MAVS: variants seen among roughly 807,000 people sequenced by gnomAD.
The protein encoded by MAVS is mitochondrial antiviral signaling protein.
Under a neutral mutation model 30.2 loss-of-function variants are expected in MAVS, and 20 were observed. The observed-to-expected ratio is 0.66, with a 90% CI of 0.47 to 0.96. The LOEUF (loss-of-function observed/expected upper bound fraction) is 0.96, where lower values mean the gene tolerates loss of function less well. MAVS is among the 40% of genes least tolerant of loss of function. MAVS has a pLI of 0.00. For synonymous variants in MAVS, 278 were observed against 293.9 expected (o/e 0.95, Z 0.55); for missense variants, 624 against 701.1 (o/e 0.89, Z 1.24).
chr20:3,871,765 G>A lies in MAVS; in HGVS notation c.*5618G>A, dbSNP rs1029088580. 2 of 152,260 alleles carry A rather than the reference G, an allele frequency of 1.3e-5. No homozygotes were observed. The highest frequency in any genetic ancestry group is 2.4e-5 in the African/African-American group (1 of 41,414). The allele number at this position is 152,260 out of a possible 1,614,324, so 9.4% of individuals were successfully genotyped here. ...TGTTGAAATTGAGGCCTTCCCCTGT[G>A]TTCACCTTTCTGCTCTTTTTCTTTT... is the stretch of plus-strand genomic sequence containing the variant. On this transcript the variant is annotated 3_prime_UTR_variant, in exon 7 of 7. Transcript: ENST00000428216.
intron 1 of MAVS, 45 bp from the exon 2 acceptor site, chr20:3,854,513 C>T: frequency 1.6e-6 from 1 of 630,830 alleles, no homozygotes; most frequent in Non-Finnish European, 2.7e-6. Flanking sequence ...AGCCCCACTC[C>T]CAACCCCCCA....
At position 3,872,770 on chromosome 20, in the gene MAVS, G is replaced by C. The variant is rs1431417490; in HGVS notation, c.*6623G>C. 6.6e-6 allele frequency: 1 copy of C among 152,376 alleles called. No individual in the cohort carries two copies. The highest frequency in any genetic ancestry group is 1.5e-5 in the Non-Finnish European group (1 of 68,044). 9.4% of individuals were successfully genotyped at this position (152,376 alleles called of 1,614,324 possible). On this transcript the variant is annotated 3_prime_UTR_variant, in exon 7 of 7. Transcript: ENST00000428216. ...CCTTCAAGTGGTTGGGGACGTTCAT[G>C]ATTGTGGTACAGACAAATAGGCTTT...
In MAVS at chr20:3,854,579, C is replaced by A; in HGVS notation, c.-46C>A. On this transcript the variant is annotated 5_prime_UTR_variant, in exon 2 of 7. Transcript: ENST00000428216. ...CCAGTCTCGTTTCCTCTCAGTCCAT[C>A]CACCCTTCATGGGGCCAGAGCCCTC... 1 of 1,372,868 alleles carries A rather than the reference C, an allele frequency of 7.3e-7. No individual in the cohort carries two copies. Among genetic ancestry groups the A allele is most frequent in the Admixed American group, 1.7e-5 (1 of 57,256 alleles). The allele number at this position is 1,372,868 out of a possible 1,614,324, so 85.0% of individuals were successfully genotyped here.
At chr20:3,857,397 T>C (rs958908100) in intron 2 of MAVS, among the ~76,000 whole-genome samples, 3 of 152,236 alleles carry the variant, frequency 2.0e-5, no homozygotes, top group African/African-American at 7.2e-5. Flanking sequence ...AAGCCCTTAA[T>C]GGAGAGCCCA....
intron 1 of MAVS, among the ~76,000 whole-genome samples, chr20:3,853,953 A>ATTT (rs56392229): frequency 0.048 from 6,388 of 132,646 alleles, 263 homozygotes; most frequent in African/African-American, 0.1. Context: ...ATGCCCAGCT[A>ATTT]TTTTTTTTTT....
chr20:3,848,176 T>C (rs1302083254), intron 1 of MAVS, among the ~76,000 whole-genome samples: 3 of 151,996 alleles, frequency 2.0e-5, no homozygotes, highest in Non-Finnish European at 2.9e-5. Flanking sequence ...CTTGGCTCAC[T>C]GCAACCTCTG....
intron 1 of MAVS, among the ~76,000 whole-genome samples, chr20:3,847,889 C>T (rs1342695317): frequency 3.3e-5 from 5 of 152,156 alleles, no homozygotes; most frequent in Admixed American, 6.6e-5. Flanking sequence ...TTCCCTGTCA[C>T]GGGATTGGGG....
chr20:3,865,978 C>T lies in MAVS; in HGVS notation c.1454C>T (p.Pro485Leu), dbSNP rs775518309. The change falls in exon 7 of 7, where the codon CCA (proline) becomes CTA (leucine). Residue 485 changes from proline to leucine, a missense_variant. Physicochemically the swap from Pro to Leu is moderately conservative, Grantham distance 98. Coordinates refer to ENST00000428216, the MANE Select transcript of MAVS (RefSeq NM_020746.5). The surrounding 1 kb of genome is among the most constrained non-coding windows in gnomAD (Gnocchi z 4.7). ...SIQLLEGNPG[P>L]PADPDGGPRP... Reference sequence around the variant, plus strand: ...CAGCTCCTGGAGGGCAACCCTGGGCCACCTGCGGACCCGGATGGCGGCCCC... The same window carrying T: ...CAGCTCCTGGAGGGCAACCCTGGGCTACCTGCGGACCCGGATGGCGGCCCC... The T allele has an allele frequency of 6.2e-7, 1 of 1,613,330 alleles. No homozygotes were observed. Among genetic ancestry groups the T allele is most frequent in the Admixed American group, 1.7e-5 (1 of 60,028 alleles).
At chr20:3,856,772 G>A (rs1347957441) in intron 2 of MAVS, among the ~76,000 whole-genome samples, 2 of 151,910 alleles carry the variant, frequency 1.3e-5, no homozygotes, top group Non-Finnish European at 2.9e-5. Flanking sequence ...GGTGGCTCAC[G>A]CCTGTAATCC....
intron 1 of MAVS, among the ~76,000 whole-genome samples, chr20:3,854,109 C>A (rs1248843630): frequency 6.6e-6 from 1 of 150,784 alleles, no homozygotes; most frequent in Non-Finnish European, 1.5e-5. Context: ...GAGACCCCAT[C>A]TCTTAAAAAC....
At chr20:3,857,520 C>T in intron 2 of MAVS, 115 bp from the exon 3 acceptor site, 1 of 1,264,142 alleles carries the variant, frequency 7.9e-7, no homozygotes. Context: ...TTTCACGTGG[C>T]TGCCTTGCCC....
In MAVS at chr20:3,854,894, T is replaced by TTC. The variant is rs200003136; in HGVS notation, c.117+154_117+155insCT. The stretch of plus-strand genomic sequence containing the variant: ...GCTCCTTGTCCTTGCTGCTTTTCTT[T>TTC]TTTTTTTTTTTTTTTGAGATTGAGT... On this transcript the variant is annotated intron_variant, in intron 2 of 6. Coordinates refer to ENST00000428216, the MANE Select transcript of MAVS (RefSeq NM_020746.5). Among the ~76,000 whole-genome samples the TTC allele has an allele frequency of 9.4e-4, 139 of 147,642 alleles. 1 individual carries two copies. The highest frequency in any genetic ancestry group is 8.6e-3 in the East Asian group (43 of 5,026).
At chr20:3,861,895 CCCA>C (rs1436800332) in intron 4 of MAVS, among the ~76,000 whole-genome samples, 1 of 152,070 alleles carries the variant, frequency 6.6e-6, no homozygotes, top group Admixed American at 6.6e-5. Flanking sequence ...ATTACAGGCA[CCCA>C]CCACCACGCC....
In MAVS at chr20:3,864,633, G is replaced by A. The variant is rs372572360; in HGVS notation, c.1003G>A (p.Ala335Thr). The A allele has an allele frequency of 2.5e-6, 4 of 1,614,198 alleles. No homozygotes were observed. The highest frequency in any genetic ancestry group is 4.5e-5 in the East Asian group (2 of 44,888). Residue 335 changes from alanine (A) to threonine (T), a missense_variant, in exon 6 of 7, where the codon GCA becomes ACA. Ala to Thr is a moderately conservative substitution (Grantham distance 58, BLOSUM62 0). Coordinates refer to ENST00000428216, the MANE Select transcript of MAVS (RefSeq NM_020746.5). The stretch of plus-strand genomic sequence containing the variant: ...GCCAACTAGCTCAAAGCCCCCTGGT[G>A]CAGTGCCTTCTAATGCGCTCACCAA... ...KLPTSSKPPG[A>T]VPSNALTNPA...
At chr20:3,860,238 T>TG (rs1684727818) in intron 3 of MAVS, among the ~76,000 whole-genome samples, 2 of 150,994 alleles carry the variant, frequency 1.3e-5, no homozygotes, top group South Asian at 2.1e-4. Flanking sequence ...CCCAATTCCT[T>TG]TTTTTTTGAG....
chr20:3,863,774 G>A (rs775398301), intron 5 of MAVS, among the ~76,000 whole-genome samples: 146 of 152,154 alleles, frequency 9.6e-4, no homozygotes, highest in Middle Eastern at 3.4e-3. Context: ...CCAAGCCTCC[G>A]GGATGGCCAG....
intron 4 of MAVS, 35 bp downstream of exon 4, chr20:3,861,539 T>C (rs906317728): frequency 1.2e-6 from 2 of 1,600,346 alleles, no homozygotes; most frequent in Admixed American, 1.7e-5. Flanking sequence ...GCCACCACTT[T>C]TGTGTTCCTA....
Position 3,869,357 on chromosome 20 carries a change from T to C in MAVS, c.*3210T>C, listed in dbSNP as rs951404837. The C allele has an allele frequency of 2.6e-5, 4 of 151,726 alleles. No individual in the cohort carries two copies. The highest frequency in any genetic ancestry group is 2.6e-4 in the Admixed American group (4 of 15,220). 9.4% of individuals were successfully genotyped at this position (151,726 alleles called of 1,614,324 possible). A position where few individuals can be genotyped will look rare whatever the true frequency, so the allele number is the denominator to read the frequency against. ...CTGGCTAATTTTTTTGCACTTTTAG[T>C]AGAGACGGGGTTTCACTGTGTTAGC... On this transcript the variant is annotated 3_prime_UTR_variant, in exon 7 of 7. Transcript: ENST00000428216.
chr20:3,851,005 T>A (rs866299862), intron 1 of MAVS, among the ~76,000 whole-genome samples: 13 of 150,962 alleles, frequency 8.6e-5, no homozygotes, highest in African/African-American at 2.9e-4. Context: ...GCCAACATGG[T>A]GAAACCCTGT....
Sources: allele counts gnomAD v4.1 joint callset (sites outside exome capture counted in the v4.1 genomes callset), GRCh38; gene constraint gnomAD v4.1.1; non-coding constraint Gnocchi (gnomAD v3.1); transcripts MANE v1.5; gene names NCBI Gene and HGNC (gene_info 2026-07-23, HGNC 2026-07-21).